The following TLCD4 variants were observed in gnomAD, a reference collection of about 807,000 sequenced individuals.
TLCD4 encodes TLC domain-containing protein 4.
In TLCD4, 7 loss-of-function variants were observed where a neutral mutation model predicts 24.2. That is an observed-to-expected ratio of 0.29 (90% CI 0.16 to 0.54). The LOEUF is 0.54. Ranked by LOEUF, TLCD4 falls within the 20% of genes least tolerant of loss-of-function variation. The probability of loss-of-function intolerance (pLI) is 0.95; values close to 1 mark genes in which losing one functional copy is unlikely to be tolerated. For synonymous variants in TLCD4, 103 were observed against 106.4 expected, an observed-to-expected ratio of 0.97 and a Z score of 0.20; for missense variants, 259 against 313.9, an observed-to-expected ratio of 0.82 and a Z score of 1.32.
the TLCD4 span, among the ~76,000 whole-genome samples, chr1:95,105,739 C>T: frequency 6.6e-6 from 1 of 151,454 alleles, no homozygotes; most frequent in East Asian, 1.9e-4. Context: ...ACTAAAAATA[C>T]AAAAAATTAG....
In TLCD4 at chr1:95,191,865, T is replaced by C. The variant is rs965813009; in HGVS notation, c.789T>C (p.Asp263=). Residue 263 remains aspartate (D), a synonymous_variant, in exon 7 of 7, where the codon GAT becomes GAC. Coordinates refer to ENST00000370203, the MANE Select transcript of TLCD4 (RefSeq NM_152487.3). ...AKNSLQNGKL[D] ...ATAGTCTTCAGAATGGAAAACTTGA[T>C]TAAAAGAGTGCTACCGATAAGCAAA... is the stretch of plus-strand genomic sequence containing the variant. 1.9e-6 allele frequency: 3 copies of C among 1,612,060 alleles called. No individual in the cohort carries two copies. Among genetic ancestry groups the C allele is most frequent in the Admixed American group, 3.3e-5 (2 of 59,792 alleles).
chr1:95,106,601 A>C, the TLCD4 span, among the ~76,000 whole-genome samples: 1 of 152,040 alleles, frequency 6.6e-6, no homozygotes. Flanking sequence ...GCTGAGGTGG[A>C]AGGATTGCTT....
chr1:95,144,396 A>G (rs1449649840), intron 2 of TLCD4, among the ~76,000 whole-genome samples: 1 of 152,160 alleles, frequency 6.6e-6, no homozygotes, highest in Non-Finnish European at 1.5e-5. Context: ...GGAAGAAAAA[A>G]TTAGTTGTAC....
intron 6 of TLCD4, among the ~76,000 whole-genome samples, chr1:95,175,379 A>AG (rs1557694993): frequency 6.6e-6 from 1 of 152,178 alleles, no homozygotes; most frequent in Non-Finnish European, 1.5e-5. Flanking sequence ...TCTTCTTTTT[A>AG]AAGGCTGCAT....
chr1:95,173,017 G>T (rs1279739755), intron 5 of TLCD4, among the ~76,000 whole-genome samples: 3 of 152,010 alleles, frequency 2.0e-5, no homozygotes, highest in Non-Finnish European at 4.4e-5. Flanking sequence ...TTATTTAATT[G>T]GTAGAATGTA....
intron 5 of TLCD4, among the ~76,000 whole-genome samples, chr1:95,160,810 G>C (rs1431554933): frequency 2.0e-5 from 3 of 152,090 alleles, no homozygotes; most frequent in Non-Finnish European, 2.9e-5. Flanking sequence ...ATGTTTATTG[G>C]TTTACGTATG....
chr1:95,169,411 G>A (rs1464033902), intron 5 of TLCD4, among the ~76,000 whole-genome samples: 1 of 152,154 alleles, frequency 6.6e-6, no homozygotes, highest in East Asian at 1.9e-4. Context: ...TCAAAGCATG[G>A]AAAATTTGCA....
Position 95,150,191 on chromosome 1 carries a change from C to CTT in TLCD4, c.246-17_246-16insTT. On this transcript the variant is annotated splice_polypyrimidine_tract_variant and intron_variant, in intron 3 of 6. Transcript: ENST00000370203. ...ACAATCTATATACTTTAAAAAGGAACCTTTTTTTTTTTTCAGGGGTGGTCC... is the reference window on the plus strand; with the variant it reads ...ACAATCTATATACTTTAAAAAGGAACTTCTTTTTTTTTTTTCAGGGGTGGTCC... 1 of 1,593,200 alleles carries CTT rather than the reference C, an allele frequency of 6.3e-7. No individual in the cohort carries two copies. Among genetic ancestry groups the CTT allele is most frequent in the Non-Finnish European group, 8.5e-7 (1 of 1,175,184 alleles).
intron 1 of TLCD4, among the ~76,000 whole-genome samples, chr1:95,126,742 C>T (rs960570943): frequency 6.6e-5 from 10 of 152,176 alleles, no homozygotes; most frequent in African/African-American, 1.4e-4. Flanking sequence ...TATCTACCAT[C>T]CTCTGGTAGA....
the TLCD4 span, among the ~76,000 whole-genome samples, chr1:95,101,412 TG>T: frequency 9.0e-5 from 1 of 11,128 alleles, no homozygotes; most frequent in African/African-American, 1.9e-4. Context: ...CTAATTAAAG[TG>T]TGTGTGTGTG....
intron 1 of TLCD4, among the ~76,000 whole-genome samples, chr1:95,142,393 C>T (rs1677227362): frequency 6.7e-6 from 1 of 149,104 alleles, no homozygotes; most frequent in Admixed American, 6.7e-5. Context: ...GTTAAATTCT[C>T]ATTTGTGCAG....
the TLCD4 span, among the ~76,000 whole-genome samples, chr1:95,095,686 CG>C: frequency 6.6e-6 from 1 of 152,134 alleles, no homozygotes; most frequent in Admixed American, 6.5e-5. Context: ...CGTGAGCCAC[CG>C]CGCCGGCACC....
chr1:95,107,994 T>C, the TLCD4 span, among the ~76,000 whole-genome samples: 2 of 152,034 alleles, frequency 1.3e-5, no homozygotes, highest in Non-Finnish European at 2.9e-5. Flanking sequence ...TGGGATGAGG[T>C]TGGTTGGTTT....
upstream of TLCD4, among the ~76,000 whole-genome samples, chr1:95,116,744 A>G (rs188500870): frequency 5.3e-5 from 8 of 152,290 alleles, no homozygotes; most frequent in East Asian, 1.5e-3. Flanking sequence ...TTCAAATCCA[A>G]CTTCCACACC....
chr1:95,160,530 C>T (rs1333919388), intron 5 of TLCD4, among the ~76,000 whole-genome samples: 2 of 152,214 alleles, frequency 1.3e-5, no homozygotes, highest in African/African-American at 4.8e-5. Flanking sequence ...CTGGCCAGAA[C>T]TTCCAATACT....
intron 1 of TLCD4, among the ~76,000 whole-genome samples, chr1:95,123,709 TTTA>T (rs1434706992): frequency 2.6e-5 from 4 of 152,138 alleles, no homozygotes; most frequent in African/African-American, 9.7e-5. Context: ...TTTTGAAAAA[TTTA>T]TTATTTTGCA....
At chr1:95,133,154 G>C (rs893602259) in intron 1 of TLCD4, among the ~76,000 whole-genome samples, 5 of 152,070 alleles carry the variant, frequency 3.3e-5, no homozygotes, top group African/African-American at 1.2e-4. Flanking sequence ...GTTGATTTTT[G>C]TTTTTGCTGA....
At chr1:95,176,701 A>G (rs1003884942) in intron 6 of TLCD4, among the ~76,000 whole-genome samples, 1 of 152,174 alleles carries the variant, frequency 6.6e-6, no homozygotes, top group Non-Finnish European at 1.5e-5. Flanking sequence ...TTTTGGTATC[A>G]TATCCAAAAA....
intron 5 of TLCD4, among the ~76,000 whole-genome samples, chr1:95,153,171 A>G (rs1439540517): frequency 6.6e-6 from 1 of 151,874 alleles, no homozygotes; most frequent in African/African-American, 2.4e-5. Flanking sequence ...TTACTGTTTA[A>G]TGGTACAGAG....
Sources: gnomAD v4.1 joint callset for allele counts (sites outside exome capture counted in the v4.1 genomes callset) on GRCh38, gnomAD v4.1.1 for gene constraint, MANE v1.5 for transcripts, NCBI Gene and HGNC (gene_info 2026-07-23, HGNC 2026-07-21) for gene names.